ZBTB20: variants seen among roughly 807,000 people sequenced by gnomAD.
ZBTB20 encodes the protein zinc finger and BTB domain containing 20, also known as zinc finger and BTB domain-containing protein 20.
Under a neutral mutation model 56.9 loss-of-function variants are expected in ZBTB20, and 9 were observed. The observed-to-expected ratio is 0.16, with a 90% CI of 0.10 to 0.28. ZBTB20 has a LOEUF of 0.28. Among genes scored for constraint, ZBTB20 ranks in the 10% least tolerant of loss-of-function variants. ZBTB20 has a pLI of 1.00. For synonymous variants in ZBTB20, 417 were observed against 420.7 expected (o/e 0.99, Z 0.11); for missense variants, 655 against 1,003.0 (o/e 0.65, Z 4.69).
intron 6 of ZBTB20, among the ~76,000 whole-genome samples, chr3:114,650,914 T>C (rs1220784744): frequency 6.6e-6 from 1 of 152,030 alleles, no homozygotes; most frequent in African/African-American, 2.4e-5. Flanking sequence ...TTTTACAATA[T>C]CATTTATCAT....
intron 5 of ZBTB20, among the ~76,000 whole-genome samples, chr3:114,696,870 A>G (rs925519275): frequency 6.6e-6 from 1 of 152,078 alleles, no homozygotes; most frequent in African/African-American, 2.4e-5. Context: ...AAGGCAGTAC[A>G]GTGAAACCAA....
intron 5 of ZBTB20, among the ~76,000 whole-genome samples, chr3:114,753,976 ACTT>A (rs2067807156): frequency 6.6e-6 from 1 of 152,064 alleles, no homozygotes; most frequent in African/African-American, 2.4e-5. Flanking sequence ...TTCCAGGAAA[ACTT>A]CAATCACCAA....
intron 5 of ZBTB20, among the ~76,000 whole-genome samples, chr3:114,707,623 T>G (rs181444691): frequency 6.6e-6 from 1 of 152,282 alleles, no homozygotes. Context: ...GACCTATGAG[T>G]GTCCCCTGGA....
chr3:114,999,457 A>C (rs1011025404), intron 2 of ZBTB20, among the ~76,000 whole-genome samples: 1 of 151,752 alleles, frequency 6.6e-6, no homozygotes, highest in African/African-American at 2.4e-5. Context: ...TATAAAACTT[A>C]ATGCAAACTT....
At chr3:114,494,470 C>A (rs1262385666) in intron 7 of ZBTB20, among the ~76,000 whole-genome samples, 1 of 152,192 alleles carries the variant, frequency 6.6e-6, no homozygotes, top group Non-Finnish European at 1.5e-5. Flanking sequence ...ATGCCTCTTC[C>A]CTACTCCTAG....
At position 114,659,045 on chromosome 3, in the gene ZBTB20, A is replaced by G. The variant is rs777188781; in HGVS notation, c.-295+34483T>C. Reference sequence around the variant, plus strand: ...AATCTTCATCCAGGTTATCTCGTCAACCTCTATGTATGCATATATTCCAAT... The same window carrying G: ...AATCTTCATCCAGGTTATCTCGTCAGCCTCTATGTATGCATATATTCCAAT... On this transcript the variant is annotated intron_variant, in intron 6 of 11. Coordinates refer to ENST00000675478, the MANE Select transcript of ZBTB20 (RefSeq NM_001348800.3). 7.3e-4 allele frequency among the ~76,000 whole-genome samples: 111 copies of G among 152,144 alleles called. 3 individuals are homozygous for G. The highest frequency in any genetic ancestry group is 2.5e-4 in the Non-Finnish European group (17 of 68,020).
chr3:114,392,737 C>G (rs1449361797), intron 7 of ZBTB20, among the ~76,000 whole-genome samples: 1 of 152,140 alleles, frequency 6.6e-6, no homozygotes, highest in Non-Finnish European at 1.5e-5. Context: ...TAGACAATTG[C>G]CTCTGAGTCT....
rs150106116 is a variant in ZBTB20 at position 114,677,318 on chromosome 3, G to A, written c.-295+16210C>T. Among the ~76,000 whole-genome samples the A allele has an allele frequency of 3.8e-3, 584 of 152,202 alleles. 2 individuals are homozygous for A. Among genetic ancestry groups the A allele is most frequent in the African/African-American group, 0.013 (556 of 41,528 alleles). On this transcript the variant is annotated intron_variant, in intron 6 of 11. Coordinates refer to ENST00000675478, the MANE Select transcript of ZBTB20 (RefSeq NM_001348800.3). Reference sequence around the variant, plus strand: ...ACTAATGTGGCCTTGACCAGCAGCCGCCAGTCCCCAGGCTTCAGACACTGG... The same window carrying A: ...ACTAATGTGGCCTTGACCAGCAGCCACCAGTCCCCAGGCTTCAGACACTGG...
At chr3:114,544,413 CTTT>C (rs2049496692) in intron 6 of ZBTB20, among the ~76,000 whole-genome samples, 1 of 8,918 alleles carries the variant, frequency 1.1e-4, no homozygotes, top group Non-Finnish European at 2.2e-4. Context: ...TTTCTTCTTT[CTTT>C]CTTTCTTTCT....
chr3:114,871,189 C>A lies in ZBTB20; in HGVS notation c.-417+29115G>T, dbSNP rs527816607. Reference sequence around the variant, plus strand: ...CCACTGGCAAATACCCTCTTATTATCTCCCCTGCCCCATCTCCCCTTTCTT... The same window carrying A: ...CCACTGGCAAATACCCTCTTATTATATCCCCTGCCCCATCTCCCCTTTCTT... On this transcript the variant is annotated intron_variant, in intron 4 of 11. Transcript: ENST00000675478. 5.3e-5 allele frequency among the ~76,000 whole-genome samples: 8 copies of A among 152,266 alleles called. No individual in the cohort carries two copies. In the South Asian group the frequency reaches 1.7e-3, roughly 32 times the overall value.
intron 7 of ZBTB20, among the ~76,000 whole-genome samples, chr3:114,468,901 G>C (rs2092650359): frequency 6.6e-6 from 1 of 150,550 alleles, no homozygotes; most frequent in Non-Finnish European, 1.5e-5. Context: ...TGTCAAACTG[G>C]AGAGAACATG....
At chr3:114,459,158 T>G (rs2092200136) in intron 7 of ZBTB20, among the ~76,000 whole-genome samples, 1 of 152,210 alleles carries the variant, frequency 6.6e-6, no homozygotes, top group Admixed American at 6.5e-5. Context: ...ATGCCATAAT[T>G]CAACGTATCT....
rs2083393027 is a variant in ZBTB20 at position 115,138,089 on chromosome 3, C to T, written c.-703+9130G>A. On this transcript the variant is annotated intron_variant, in intron 1 of 11. Transcript: ENST00000675478. ...AAGCCTTCCAAAGTCATAGGATTTG[C>T]TACCCTTTGAATATACTGTTTCTAG... is the stretch of plus-strand genomic sequence containing the variant. Among the ~76,000 whole-genome samples, 3 of 152,090 alleles carry T rather than the reference C, an allele frequency of 2.0e-5. No individual in the cohort carries two copies. The South Asian group carries it at 6.2e-4, about 31-fold the overall frequency.
intron 6 of ZBTB20, among the ~76,000 whole-genome samples, chr3:114,657,256 C>A (rs1578191447): frequency 6.6e-6 from 1 of 152,256 alleles, no homozygotes; most frequent in East Asian, 1.9e-4. Context: ...ACTTTCAATG[C>A]TTCAGGTTTG....
At chr3:114,450,253 G>A (rs1320408898) in intron 7 of ZBTB20, among the ~76,000 whole-genome samples, 2 of 152,254 alleles carry the variant, frequency 1.3e-5, no homozygotes, top group South Asian at 2.1e-4. Context: ...CAGATACAGC[G>A]CATGCTCAGC....
At chr3:115,084,118 G>C (rs902446615) in intron 1 of ZBTB20, among the ~76,000 whole-genome samples, 2 of 151,584 alleles carry the variant, frequency 1.3e-5, no homozygotes, top group Admixed American at 1.3e-4. Flanking sequence ...ATGAGCAAGA[G>C]TTATTTCAAG....
At chr3:114,905,163 T>C (rs909606967) in intron 3 of ZBTB20, among the ~76,000 whole-genome samples, 2 of 151,974 alleles carry the variant, frequency 1.3e-5, no homozygotes, top group Non-Finnish European at 2.9e-5. Context: ...TGGGTTTTTA[T>C]GACTTAACTT....
At chr3:114,827,123 G>T (rs979358747) in intron 4 of ZBTB20, among the ~76,000 whole-genome samples, 1 of 151,632 alleles carries the variant, frequency 6.6e-6, no homozygotes, top group African/African-American at 2.4e-5. Context: ...TTACATAATA[G>T]TTGCTAATCA....
chr3:114,780,936 T>C (rs903888818), intron 5 of ZBTB20, among the ~76,000 whole-genome samples: 4 of 152,206 alleles, frequency 2.6e-5, no homozygotes, highest in African/African-American at 4.8e-5. Context: ...TTACACTGTA[T>C]ATTACCTCTC....
Sources: allele counts gnomAD v4.1 joint callset (sites outside exome capture counted in the v4.1 genomes callset), GRCh38; gene constraint gnomAD v4.1.1; transcripts MANE v1.5; gene names NCBI Gene and HGNC (gene_info 2026-07-23, HGNC 2026-07-21).